DCAF8L2: variants seen among roughly 807,000 people sequenced by gnomAD.
The protein encoded by DCAF8L2 is DDB1 and CUL4 associated factor 8 like 2, also known as DDB1- and CUL4-associated factor 8-like protein 2.
For synonymous variants in DCAF8L2, 200 were observed against 190.9 expected (o/e 1.05, Z -0.39); for missense variants, 430 against 490.7 (o/e 0.88, Z 1.17).
the DCAF8L2 span, among the ~76,000 whole-genome samples, chrX:27,511,942 A>G: frequency 2.7e-5 from 3 of 111,608 alleles, no homozygotes; most frequent in Non-Finnish European, 5.6e-5. Flanking sequence ...ACCTCTAGAA[A>G]TAAACTTAAC....
chrX:27,740,132 C>T (rs1173485689), intron 4 of DCAF8L2, among the ~76,000 whole-genome samples: 2 of 111,696 alleles, frequency 1.8e-5, no homozygotes, highest in African/African-American at 6.5e-5. Flanking sequence ...TGTGATTTAG[C>T]CTGCTCTCAC....
the DCAF8L2 span, among the ~76,000 whole-genome samples, chrX:27,583,518 A>G: frequency 9.0e-6 from 1 of 110,826 alleles, no homozygotes; most frequent in South Asian, 3.9e-4. Flanking sequence ...CTTGCTTTCA[A>G]ATTGTGTGCC....
chrX:27,474,644 T>C, the DCAF8L2 span, among the ~76,000 whole-genome samples: 1 of 112,288 alleles, frequency 8.9e-6, no homozygotes, highest in Non-Finnish European at 1.9e-5. Context: ...TATTTAAACA[T>C]GTTGGTTCAT....
intron 2 of DCAF8L2, among the ~76,000 whole-genome samples, chrX:27,637,264 C>T (rs7881485): frequency 0.014 from 1,585 of 112,147 alleles, 20 homozygotes; most frequent in African/African-American, 0.049. Context: ...GTTCCTACCA[C>T]CAGTACTCAG....
chrX:27,482,883 C>T, the DCAF8L2 span, among the ~76,000 whole-genome samples: 35,028 of 110,138 alleles, frequency 0.32, 5,026 homozygotes, highest in South Asian at 0.55. Flanking sequence ...TTTACAATAG[C>T]TTCTCATTTA....
At chrX:27,569,800 C>T in the DCAF8L2 span, among the ~76,000 whole-genome samples, 3 of 111,535 alleles carry the variant, frequency 2.7e-5, no homozygotes, top group Admixed American at 1.9e-4. Flanking sequence ...TCTGTTAATA[C>T]GCTAGCTTCT....
chrX:27,487,705 T>G, the DCAF8L2 span, among the ~76,000 whole-genome samples: 5 of 112,454 alleles, frequency 4.4e-5, no homozygotes, highest in East Asian at 8.3e-4. Flanking sequence ...ATACAAAGTT[T>G]TAAATCATCT....
chrX:27,538,067 C>G, the DCAF8L2 span, among the ~76,000 whole-genome samples: 1 of 111,372 alleles, frequency 9.0e-6, no homozygotes, highest in Non-Finnish European at 1.9e-5. Context: ...CTCCACCTCC[C>G]CAGTCCCTTC....
chrX:27,658,646 T>C (rs1280649837), intron 2 of DCAF8L2, among the ~76,000 whole-genome samples: 2 of 111,965 alleles, frequency 1.8e-5, no homozygotes, highest in African/African-American at 3.2e-5. Context: ...AGTGTGTTTG[T>C]TCTGTTGAGG....
the DCAF8L2 span, among the ~76,000 whole-genome samples, chrX:27,577,238 G>C: frequency 8.9e-6 from 1 of 112,140 alleles, no homozygotes; most frequent in South Asian, 3.7e-4. Context: ...GAAAAGCCTA[G>C]TGAGGGAGTT....
At chrX:27,603,957 A>G (rs1362087642) in intron 1 of DCAF8L2, among the ~76,000 whole-genome samples, 1 of 111,738 alleles carries the variant, frequency 8.9e-6, no homozygotes. Context: ...TCACAAGGCT[A>G]TAGAATAATA....
intron 1 of DCAF8L2, among the ~76,000 whole-genome samples, chrX:27,615,862 A>G (rs1160601875): frequency 9.0e-6 from 1 of 111,219 alleles, no homozygotes; most frequent in East Asian, 2.8e-4. Context: ...AAATAATAAA[A>G]TAAATGGCAC....
the DCAF8L2 span, among the ~76,000 whole-genome samples, chrX:27,564,076 TA>T: frequency 8.9e-6 from 1 of 111,776 alleles, no homozygotes; most frequent in African/African-American, 3.3e-5. Context: ...GGGTAATTTA[TA>T]AAGGAAAGAG....
chrX:27,623,285 AT>A (rs755094296), intron 1 of DCAF8L2, among the ~76,000 whole-genome samples: 1 of 111,300 alleles, frequency 9.0e-6, no homozygotes, highest in Non-Finnish European at 1.9e-5. Context: ...TATATAGTTT[AT>A]TGTAAAAGAT....
intron 2 of DCAF8L2, among the ~76,000 whole-genome samples, chrX:27,667,035 A>C (rs1265750291): frequency 9.1e-6 from 1 of 110,152 alleles, no homozygotes; most frequent in Non-Finnish European, 1.9e-5. Context: ...TCCTAATGAT[A>C]CTTTCAGATA....
intron 2 of DCAF8L2, among the ~76,000 whole-genome samples, chrX:27,663,629 A>G (rs1929633411): frequency 9.3e-6 from 1 of 107,688 alleles, no homozygotes; most frequent in African/African-American, 3.4e-5. Flanking sequence ...TTTTCCCCCT[A>G]TCTCCCTCTC....
intron 3 of DCAF8L2, among the ~76,000 whole-genome samples, chrX:27,708,499 T>C (rs1282014807): frequency 8.9e-6 from 1 of 112,117 alleles, no homozygotes; most frequent in Non-Finnish European, 1.9e-5. Context: ...TTCTGTCACA[T>C]AGTGCTACAC....
chrX:27,693,930 T>C (rs752130620), intron 3 of DCAF8L2, among the ~76,000 whole-genome samples: 5 of 111,787 alleles, frequency 4.5e-5, no homozygotes, highest in Non-Finnish European at 7.5e-5. Flanking sequence ...CACAGCACTA[T>C]TCACAATAGC....
intron 4 of DCAF8L2, among the ~76,000 whole-genome samples, chrX:27,739,168 A>C (rs929222071): frequency 2.7e-5 from 3 of 111,230 alleles, no homozygotes; most frequent in Non-Finnish European, 3.8e-5. Flanking sequence ...TCTTTGCAGC[A>C]AAACCCTTTA....
Sources: allele counts gnomAD v4.1 joint callset (sites outside exome capture counted in the v4.1 genomes callset), GRCh38; gene constraint gnomAD v4.1.1; transcripts MANE v1.5; gene names NCBI Gene and HGNC (gene_info 2026-07-23, HGNC 2026-07-21).